ARMH3: variants seen among roughly 807,000 people sequenced by gnomAD.
ARMH3 encodes the protein armadillo like helical domain containing 3.
Under a neutral mutation model 99.1 loss-of-function variants are expected in ARMH3, and 60 were observed. The ratio of observed to expected loss-of-function variants is 0.61; its 90% CI spans 0.49 to 0.75. The LOEUF (loss-of-function observed/expected upper bound fraction) is 0.75. Ranked by LOEUF, ARMH3 falls within the 30% of genes least tolerant of loss-of-function variation. ARMH3 has a pLI of 0.00. For missense variants in ARMH3, 679 were observed against 843.1 expected (o/e 0.81, Z 2.41); for synonymous variants, 285 against 292.8 (o/e 0.97, Z 0.27).
intron 15 of ARMH3, among the ~76,000 whole-genome samples, chr10:101,998,925 T>C (rs2066280285): frequency 6.6e-6 from 1 of 152,162 alleles, no homozygotes. Flanking sequence ...GTGGAAATGG[T>C]TTTTTTGTTA....
At chr10:102,036,952 T>C (rs2067292412) in intron 2 of ARMH3, among the ~76,000 whole-genome samples, 1 of 151,130 alleles carries the variant, frequency 6.6e-6, no homozygotes, top group African/African-American at 2.4e-5. Context: ...CTTGGGAGGC[T>C]GAGGCAGGAG....
At chr10:102,044,490 C>T (rs2089721084) in intron 1 of ARMH3, among the ~76,000 whole-genome samples, 1 of 151,914 alleles carries the variant, frequency 6.6e-6, no homozygotes, top group Non-Finnish European at 1.5e-5. Context: ...CTCGCTTCAG[C>T]CTCCCAAGTA....
chr10:101,927,950 T>G (rs1564760823), intron 23 of ARMH3, among the ~76,000 whole-genome samples: 1 of 152,216 alleles, frequency 6.6e-6, no homozygotes, highest in Non-Finnish European at 1.5e-5. Flanking sequence ...GGCACATCCC[T>G]GTAACCTCAG....
chr10:101,983,324 T>C (rs1414558541), intron 19 of ARMH3, among the ~76,000 whole-genome samples: 1 of 152,116 alleles, frequency 6.6e-6, no homozygotes, highest in Non-Finnish European at 1.5e-5. Context: ...CTCTGTCACC[T>C]AGGCTGGAAT....
chr10:101,961,894 T>C (rs1845314254), intron 20 of ARMH3, among the ~76,000 whole-genome samples: 1 of 152,258 alleles, frequency 6.6e-6, no homozygotes, highest in Non-Finnish European at 1.5e-5. Context: ...TGCAATCAAG[T>C]ACAGTAAATG....
At chr10:101,882,743 C>T (rs2067449263) in intron 24 of ARMH3, among the ~76,000 whole-genome samples, 1 of 152,118 alleles carries the variant, frequency 6.6e-6, no homozygotes, top group Non-Finnish European at 1.5e-5. Flanking sequence ...GTGATCTGCC[C>T]GCCTTGCCCG....
intron 16 of ARMH3, among the ~76,000 whole-genome samples, chr10:101,994,595 C>A (rs777564324): frequency 1.2e-4 from 18 of 152,186 alleles, no homozygotes; most frequent in Non-Finnish European, 2.2e-4. Context: ...AAAGTGGCTT[C>A]TTAAAAAGCC....
intron 20 of ARMH3, among the ~76,000 whole-genome samples, chr10:101,965,744 T>C (rs775640361): frequency 4.6e-5 from 7 of 152,348 alleles, no homozygotes; most frequent in South Asian, 2.1e-4. Flanking sequence ...CATTTCTTCA[T>C]TGGCAAGTCT....
At chr10:102,004,736 G>A (rs1429230966) in intron 14 of ARMH3, among the ~76,000 whole-genome samples, 1 of 152,164 alleles carries the variant, frequency 6.6e-6, no homozygotes, top group Admixed American at 6.5e-5. Context: ...TGAATAAACA[G>A]AGACAAGTAG....
intron 23 of ARMH3, among the ~76,000 whole-genome samples, chr10:101,895,748 A>C (rs781198450): frequency 2.0e-5 from 3 of 152,246 alleles, no homozygotes; most frequent in Non-Finnish European, 4.4e-5. Context: ...AATCCACAGA[A>C]TAAGAGAAAA....
In ARMH3 at chr10:101,930,927, A is replaced by G. The variant is rs79281616; in HGVS notation, c.1781+8936T>C. 8.5e-5 allele frequency among the ~76,000 whole-genome samples: 13 copies of G among 152,340 alleles called. No homozygotes were observed. The East Asian group carries it at 2.5e-3, about 29-fold the overall frequency. ...TTGTCATTTAGTAATCTCAATAATGACATAGGTCCATTGTTATCCTCACTT... is the reference window on the plus strand; with the variant it reads ...TTGTCATTTAGTAATCTCAATAATGGCATAGGTCCATTGTTATCCTCACTT... On this transcript the variant is annotated intron_variant, in intron 23 of 25. Transcript: ENST00000370033.
chr10:101,870,177 G>A (rs1332690613), intron 24 of ARMH3, among the ~76,000 whole-genome samples: 1 of 152,204 alleles, frequency 6.6e-6, no homozygotes, highest in Non-Finnish European at 1.5e-5. Flanking sequence ...ATGAATTTGA[G>A]AGGGCATCAC....
chr10:101,955,266 C>T (rs748555740), intron 22 of ARMH3, among the ~76,000 whole-genome samples: 7 of 152,306 alleles, frequency 4.6e-5, no homozygotes, highest in South Asian at 2.1e-4. Flanking sequence ...AAAGCTATTA[C>T]AATGAGAGAG....
At chr10:102,005,632 T>C (rs1382544819) in intron 14 of ARMH3, among the ~76,000 whole-genome samples, 1 of 152,222 alleles carries the variant, frequency 6.6e-6, no homozygotes, top group African/African-American at 2.4e-5. Context: ...TTGTCTGTAC[T>C]TCTTTACCAA....
At chr10:101,876,173 C>T (rs1333011041) in intron 24 of ARMH3, among the ~76,000 whole-genome samples, 5 of 133,898 alleles carry the variant, frequency 3.7e-5, no homozygotes, top group Non-Finnish European at 3.1e-5. Flanking sequence ...TGCTTGAACC[C>T]GGAAGGCGGA....
intron 13 of ARMH3, among the ~76,000 whole-genome samples, chr10:102,009,169 C>T (rs1005678991): frequency 4.6e-5 from 7 of 152,086 alleles, no homozygotes; most frequent in Non-Finnish European, 2.9e-5. Flanking sequence ...TAACTTTGCA[C>T]GTTATTAGAC....
chr10:102,037,383 T>C (rs2067302555), intron 2 of ARMH3, among the ~76,000 whole-genome samples: 2 of 151,858 alleles, frequency 1.3e-5, no homozygotes, highest in Admixed American at 6.6e-5. Context: ...GGGGTTTTAC[T>C]ACCTTGGTCA....
At chr10:102,039,820 A>G (rs1461370553) in intron 2 of ARMH3, among the ~76,000 whole-genome samples, 193 bp downstream of exon 2, 5 of 152,198 alleles carry the variant, frequency 3.3e-5, no homozygotes. Context: ...ACACAATAAC[A>G]ACCTATATTA....
chr10:101,906,851 CAG>C (rs543027708), intron 23 of ARMH3, among the ~76,000 whole-genome samples: 73 of 152,282 alleles, frequency 4.8e-4, no homozygotes, highest in Middle Eastern at 3.4e-3. Flanking sequence ...TGTGAAGAAT[CAG>C]ATATGTAGCT....
Sources: allele counts gnomAD v4.1 joint callset (sites outside exome capture counted in the v4.1 genomes callset), GRCh38; gene constraint gnomAD v4.1.1; transcripts MANE v1.5; gene names NCBI Gene and HGNC (gene_info 2026-07-23, HGNC 2026-07-21).